PRORP: variants seen among roughly 807,000 people sequenced by gnomAD.
PRORP encodes protein only RNase P catalytic subunit, also known as mitochondrial ribonuclease P catalytic subunit.
A neutral mutation model predicts 59.4 loss-of-function variants in PRORP; 51 were observed. The observed-to-expected ratio is 0.86, with a 90% CI of 0.69 to 1.08. The LOEUF is 1.08. Ranked by LOEUF, PRORP falls within the 50% of genes least tolerant of loss-of-function variation. PRORP has a pLI of 0.00. For missense variants in PRORP, 646 were observed against 690.3 expected, an observed-to-expected ratio of 0.94 and a Z score of 0.72; for synonymous variants, 231 against 245.6, an observed-to-expected ratio of 0.94 and a Z score of 0.55.
chr14:35,276,888 G>GTT lies in PRORP; in HGVS notation c.*3324_*3325dup, dbSNP rs1382066195. ...AGAAAATCTCAAGGAAGAAGGCTGA[G>GTT]TTTATTCTCTCAGGGCTCTGTTGGG... On this transcript the variant is annotated 3_prime_UTR_variant, in exon 8 of 8. Transcript: ENST00000534898. The GTT allele has an allele frequency of 1.3e-5, 2 of 152,172 alleles. No homozygotes were observed. The highest frequency in any genetic ancestry group is 2.9e-5 in the Non-Finnish European group (2 of 68,050). 9.4% of individuals were successfully genotyped at this position (152,172 alleles called of 1,614,324 possible).
Position 35,143,286 on chromosome 14 carries a change from C to T in PRORP, c.1167+15675C>T, listed in dbSNP as rs1213938544. ...GCGATTCTCCTGCCTCAGCCTCCCC[C>T]GAGTAGCTGGGATTACAGGCATATG... On this transcript the variant is annotated intron_variant, in intron 4 of 7. Coordinates refer to ENST00000534898, the MANE Select transcript of PRORP (RefSeq NM_014672.4). Among the ~76,000 whole-genome samples the T allele has an allele frequency of 6.3e-5, 9 of 143,946 alleles. 1 individual carries two copies. Among genetic ancestry groups the T allele is most frequent in the African/African-American group, 2.2e-4 (9 of 40,756 alleles). 94.4% of individuals were successfully genotyped at this position (143,946 alleles called of 152,430 possible). A position where few individuals can be genotyped will look rare whatever the true frequency, so the allele number is the denominator to read the frequency against.
At chr14:35,139,859 G>A (rs2047445012) in intron 4 of PRORP, among the ~76,000 whole-genome samples, 1 of 145,758 alleles carries the variant, frequency 6.9e-6, no homozygotes, top group African/African-American at 2.4e-5. Context: ...AGGATCCAGG[G>A]AAGAATCCTT....
intron 5 of PRORP, among the ~76,000 whole-genome samples, chr14:35,239,770 C>T (rs1334580088): frequency 6.6e-6 from 1 of 152,076 alleles, no homozygotes; most frequent in Non-Finnish European, 1.5e-5. Flanking sequence ...GCTCTGGCCT[C>T]TATAGAATAA....
chr14:35,236,007 G>T (rs2050201072), intron 5 of PRORP, among the ~76,000 whole-genome samples: 1 of 147,914 alleles, frequency 6.8e-6, no homozygotes, highest in African/African-American at 2.5e-5. Context: ...GAGGTGGGAG[G>T]ACATCTTGAG....
intron 5 of PRORP, among the ~76,000 whole-genome samples, chr14:35,251,743 C>T (rs577841276): frequency 4.0e-5 from 6 of 151,862 alleles, no homozygotes; most frequent in South Asian, 4.2e-4. Flanking sequence ...TTAGTAGAGA[C>T]GGGGGTTTCA....
intron 4 of PRORP, among the ~76,000 whole-genome samples, chr14:35,154,761 A>G (rs978847034): frequency 6.6e-6 from 1 of 152,160 alleles, no homozygotes; most frequent in African/African-American, 2.4e-5. Context: ...AGATAAAGCA[A>G]CCATTTGCAG....
chr14:35,157,038 C>T (rs946572470), intron 4 of PRORP, among the ~76,000 whole-genome samples: 1 of 149,896 alleles, frequency 6.7e-6, no homozygotes, highest in Non-Finnish European at 1.5e-5. Flanking sequence ...TCACTGCAAG[C>T]TCCGTCTCCT....
intron 5 of PRORP, among the ~76,000 whole-genome samples, chr14:35,236,961 CTTTCT>C (rs1475834091): frequency 2.0e-5 from 3 of 150,586 alleles, no homozygotes; most frequent in African/African-American, 4.9e-5. Flanking sequence ...TTTTTCTTTT[CTTTCT>C]TTTCTTTCCT....
At chr14:35,177,142 G>T (rs2048473447) in intron 4 of PRORP, among the ~76,000 whole-genome samples, 1 of 152,138 alleles carries the variant, frequency 6.6e-6, no homozygotes, top group South Asian at 2.1e-4. Context: ...GATTCAGTTT[G>T]CCAGTATTTT....
At chr14:35,199,359 A>G (rs906598406) in intron 5 of PRORP, among the ~76,000 whole-genome samples, 3 of 151,064 alleles carry the variant, frequency 2.0e-5, no homozygotes, top group Admixed American at 6.6e-5. Context: ...AAAAAATTAT[A>G]GTGAGTACTT....
chr14:35,162,830 C>T lies in PRORP; in HGVS notation c.1168-17840C>T, dbSNP rs911704778. 2.0e-5 allele frequency among the ~76,000 whole-genome samples: 3 copies of T among 152,226 alleles called. No homozygotes were observed. The East Asian group carries it at 5.8e-4, about 29-fold the overall frequency. On this transcript the variant is annotated intron_variant, in intron 4 of 7. Coordinates refer to ENST00000534898, the MANE Select transcript of PRORP (RefSeq NM_014672.4). The stretch of plus-strand genomic sequence containing the variant: ...TTTCTGATGTGAGGTATAGTTCCAA[C>T]TTAATTTCCTCCCCAGCTAATTAGC...
intron 4 of PRORP, among the ~76,000 whole-genome samples, chr14:35,178,895 C>T (rs6571701): frequency 0.85 from 129,786 of 152,082 alleles, 55,438 homozygotes; most frequent in Admixed American, 0.87. Flanking sequence ...TATCTTTCCA[C>T]GTTTAGTGCT....
intron 5 of PRORP, among the ~76,000 whole-genome samples, chr14:35,217,950 A>C (rs2049648045): frequency 6.6e-6 from 1 of 152,192 alleles, no homozygotes; most frequent in Non-Finnish European, 1.5e-5. Context: ...TGTGAATTTT[A>C]GAATCAGTTT....
At chr14:35,272,134 A>C (rs2051209728) in intron 7 of PRORP, among the ~76,000 whole-genome samples, 1 of 152,224 alleles carries the variant, frequency 6.6e-6, no homozygotes, top group Non-Finnish European at 1.5e-5. Flanking sequence ...AGTTAATAAT[A>C]ACAATGTGTT....
rs8004523 is a variant in PRORP, at chr14:35,202,957, A to G, written c.1275+22180A>G. Among the ~76,000 whole-genome samples the G allele has an allele frequency of 8.6e-3, 1,303 of 152,316 alleles. 17 individuals carry two copies. Among genetic ancestry groups the G allele is most frequent in the African/African-American group, 0.029 (1,211 of 41,566 alleles). Reference sequence around the variant, plus strand: ...CCTGAAAAGTGGTTGTTAAAACTCAATTGATAGCACCAGTTACCTCCAAAG... The same window carrying G: ...CCTGAAAAGTGGTTGTTAAAACTCAGTTGATAGCACCAGTTACCTCCAAAG... On this transcript the variant is annotated intron_variant, in intron 5 of 7. Transcript: ENST00000534898.
rs1020379063 is a variant in PRORP at position 35,200,170 on chromosome 14, G to C, written c.1275+19393G>C. Reference sequence around the variant, plus strand: ...AATTCCATGATTGTGAAAATATTAAGTATGCAAAATTTTTTGTTTGTTTGT... The same window carrying C: ...AATTCCATGATTGTGAAAATATTAACTATGCAAAATTTTTTGTTTGTTTGT... On this transcript the variant is annotated intron_variant, in intron 5 of 7. Transcript: ENST00000534898. Among the ~76,000 whole-genome samples the C allele has an allele frequency of 5.3e-5, 8 of 151,666 alleles. No homozygotes were observed. In the East Asian group the frequency reaches 1.5e-3, roughly 29 times the overall value.
chr14:35,222,427 C>T (rs2049810917), intron 5 of PRORP: 1 of 152,178 alleles, frequency 6.6e-6, no homozygotes. Flanking sequence ...ACAGAAGACT[C>T]AACAATAACA....
chr14:35,228,118 G>A (rs886817657), intron 5 of PRORP, among the ~76,000 whole-genome samples: 12 of 152,170 alleles, frequency 7.9e-5, no homozygotes, highest in African/African-American at 2.9e-4. Flanking sequence ...ACTCCAGCCT[G>A]GGCGATAGAG....
At chr14:35,228,505 T>C (rs1345062087) in intron 5 of PRORP, among the ~76,000 whole-genome samples, 1 of 152,230 alleles carries the variant, frequency 6.6e-6, no homozygotes, top group Non-Finnish European at 1.5e-5. Flanking sequence ...GCCATCTTTA[T>C]ATCCATGAGT....
Sources: gnomAD v4.1 joint callset for allele counts (sites outside exome capture counted in the v4.1 genomes callset) on GRCh38, gnomAD v4.1.1 for gene constraint, MANE v1.5 for transcripts, NCBI Gene and HGNC (gene_info 2026-07-23, HGNC 2026-07-21) for gene names.